The following CHN1 variants were observed in gnomAD, a reference collection of about 807,000 sequenced individuals.
CHN1 encodes N-chimaerin.
A neutral mutation model predicts 59.5 loss-of-function variants in CHN1; 37 were observed. The observed-to-expected ratio is 0.62, with a 90% CI of 0.48 to 0.82. The LOEUF is 0.82. CHN1 is among the 40% of genes least tolerant of loss of function. The pLI, the probability that CHN1 is intolerant of heterozygous loss-of-function variation, is 0.00. For synonymous variants in CHN1, 206 were observed against 200.4 expected, an observed-to-expected ratio of 1.03 and a Z score of -0.24; for missense variants, 469 against 571.0, an observed-to-expected ratio of 0.82 and a Z score of 1.82.
chr2:174,960,212 T>A (rs561553211), intron 1 of CHN1, among the ~76,000 whole-genome samples: 21 of 152,310 alleles, frequency 1.4e-4, no homozygotes, highest in African/African-American at 5.1e-4. Context: ...TTTTAGAAAT[T>A]CATTGTAAAC....
chr2:174,895,499 G>A (rs1012207120), intron 5 of CHN1, among the ~76,000 whole-genome samples: 1 of 151,946 alleles, frequency 6.6e-6, no homozygotes, highest in Non-Finnish European at 1.5e-5. Context: ...GAGAGCTGTT[G>A]TACAACAATG....
chr2:174,981,131 T>C (rs970328014), intron 1 of CHN1, among the ~76,000 whole-genome samples: 1 of 152,200 alleles, frequency 6.6e-6, no homozygotes, highest in African/African-American at 2.4e-5. Context: ...GATCTATTTA[T>C]TGAGAAAGCT....
At chr2:174,927,507 A>G (rs1287442124) in intron 3 of CHN1, among the ~76,000 whole-genome samples, 2 of 152,246 alleles carry the variant, frequency 1.3e-5, no homozygotes, top group African/African-American at 4.8e-5. Flanking sequence ...ATTTGAAAAC[A>G]CTAGAAATAA....
At chr2:174,955,811 G>GT (rs1421554393) in intron 1 of CHN1, among the ~76,000 whole-genome samples, 1 of 152,136 alleles carries the variant, frequency 6.6e-6, no homozygotes, top group African/African-American at 2.4e-5. Context: ...ACCAAATACC[G>GT]TTATCTTCTC....
chr2:174,950,379 G>T (rs909769857), intron 2 of CHN1, among the ~76,000 whole-genome samples: 1 of 151,294 alleles, frequency 6.6e-6, no homozygotes, highest in African/African-American at 2.4e-5. Context: ...TGATTCTCCT[G>T]TCTCAGCCTC....
chr2:174,833,177 T>G (rs1685938970), intron 7 of CHN1, among the ~76,000 whole-genome samples: 2 of 152,188 alleles, frequency 1.3e-5, no homozygotes, highest in South Asian at 4.1e-4. Context: ...TCTTCTATAC[T>G]CTTACTAATT....
chr2:174,998,146 C>T (rs775277867), intron 1 of CHN1, among the ~76,000 whole-genome samples: 5 of 151,134 alleles, frequency 3.3e-5, no homozygotes, highest in African/African-American at 4.9e-5. Context: ...CTACTAAATA[C>T]GCAAAAATTA....
At chr2:174,973,325 G>C (rs1345148185) in intron 1 of CHN1, among the ~76,000 whole-genome samples, 1 of 152,156 alleles carries the variant, frequency 6.6e-6, no homozygotes, top group African/African-American at 2.4e-5. Flanking sequence ...CAGTGTTTTA[G>C]ATGCCACAGA....
chr2:174,950,738 G>A lies in CHN1; in HGVS notation c.58+1426C>T, dbSNP rs984780541. Among the ~76,000 whole-genome samples the A allele has an allele frequency of 7.3e-5, 11 of 151,610 alleles. 1 individual carries two copies. The highest frequency in any genetic ancestry group is 2.7e-4 in the African/African-American group (11 of 41,278). ...ATGTGCAGGGTGCAAGTCAGAGTCA[G>A]GGAATAAAGATAAACTGAAAACCAG... On this transcript the variant is annotated intron_variant, in intron 2 of 12. Coordinates refer to ENST00000409900, the MANE Select transcript of CHN1 (RefSeq NM_001822.7).
At chr2:174,986,532 A>C (rs768256236) in intron 1 of CHN1, among the ~76,000 whole-genome samples, 4 of 152,182 alleles carry the variant, frequency 2.6e-5, no homozygotes, top group Non-Finnish European at 5.9e-5. Context: ...TAGACTTTAG[A>C]AATACAGCCG....
chr2:174,921,910 G>A (rs536325841), intron 3 of CHN1, among the ~76,000 whole-genome samples: 1 of 152,202 alleles, frequency 6.6e-6, no homozygotes, highest in South Asian at 2.1e-4. Context: ...ATAAGATTTG[G>A]GTGAGGACAC....
chr2:174,872,398 T>C (rs1687436647), intron 6 of CHN1, among the ~76,000 whole-genome samples: 1 of 152,026 alleles, frequency 6.6e-6, no homozygotes, highest in African/African-American at 2.4e-5. Context: ...TTACAGAAAA[T>C]CTGAAAGATC....
intron 8 of CHN1, among the ~76,000 whole-genome samples, chr2:174,815,977 T>C (rs769782783): frequency 6.6e-6 from 1 of 152,202 alleles, no homozygotes; most frequent in Non-Finnish European, 1.5e-5. Flanking sequence ...ATTACCCAAA[T>C]GGCAGGACTC....
At chr2:174,976,121 C>A (rs1424806824) in intron 1 of CHN1, among the ~76,000 whole-genome samples, 1 of 70,688 alleles carries the variant, frequency 1.4e-5, no homozygotes, top group Non-Finnish European at 2.7e-5. Flanking sequence ...GGCAAGACTC[C>A]GTCTCAAAAA....
At chr2:174,967,607 C>A (rs1690634640) in intron 1 of CHN1, among the ~76,000 whole-genome samples, 2 of 152,078 alleles carry the variant, frequency 1.3e-5, no homozygotes, top group Admixed American at 6.5e-5. Context: ...CATACGAACA[C>A]TCTTTGGAGA....
chr2:174,822,015 C>T (rs1342413139), intron 8 of CHN1, among the ~76,000 whole-genome samples: 2 of 152,108 alleles, frequency 1.3e-5, no homozygotes, highest in African/African-American at 2.4e-5. Context: ...CAATTCTTTG[C>T]GTTTGGATTT....
At chr2:174,902,101 G>A (rs183793817) in intron 5 of CHN1, among the ~76,000 whole-genome samples, 16 of 152,256 alleles carry the variant, frequency 1.1e-4, no homozygotes, top group African/African-American at 3.9e-4. Context: ...GAATTGGGGT[G>A]CTTTTTGCCT....
intron 7 of CHN1, among the ~76,000 whole-genome samples, chr2:174,843,699 G>GAA (rs201535934): frequency 8.4e-5 from 11 of 130,304 alleles, no homozygotes; most frequent in Non-Finnish European, 8.3e-5. Context: ...TATAGATTCA[G>GAA]AAAAAAAAAA....
intron 3 of CHN1, among the ~76,000 whole-genome samples, chr2:174,919,915 A>G (rs936079763): frequency 4.6e-5 from 7 of 152,056 alleles, no homozygotes; most frequent in Non-Finnish European, 8.8e-5. Context: ...CCTTTAACCA[A>G]TATCTCCTGA....
Sources: gnomAD v4.1 joint callset for allele counts (sites outside exome capture counted in the v4.1 genomes callset) on GRCh38, gnomAD v4.1.1 for gene constraint, MANE v1.5 for transcripts, NCBI Gene and HGNC (gene_info 2026-07-23, HGNC 2026-07-21) for gene names.